The following TP53BP1 variants were observed in gnomAD, a reference collection of about 807,000 sequenced individuals.
TP53BP1 encodes the protein TP53-binding protein 1.
A neutral mutation model predicts 200.8 loss-of-function variants in TP53BP1; 61 were observed. That is an observed-to-expected ratio of 0.30 (90% CI 0.25 to 0.38). The LOEUF (loss-of-function observed/expected upper bound fraction) is 0.38. Among genes scored for constraint, TP53BP1 ranks in the 10% least tolerant of loss-of-function variants. TP53BP1 has a pLI of 1.00. For missense variants in TP53BP1, 2,144 were observed against 2,371.9 expected (o/e 0.90, Z 2.00); for synonymous variants, 822 against 844.3 (o/e 0.97, Z 0.46).
At chr15:43,443,678 G>A (rs900972888) in intron 14 of TP53BP1, among the ~76,000 whole-genome samples, 2 of 152,124 alleles carry the variant, frequency 1.3e-5, no homozygotes, top group African/African-American at 2.4e-5. Context: ...CTGGGTGACA[G>A]GGAGAAGCCC....
chr15:43,479,303 T>G (rs961925782), intron 7 of TP53BP1, 94 bp downstream of exon 7: 2 of 1,332,372 alleles, frequency 1.5e-6, no homozygotes, highest in African/African-American at 3.0e-5. Flanking sequence ...AATTTAAAAA[T>G]CAACAATTTC....
At chr15:43,412,205 G>A (rs910801188) in intron 24 of TP53BP1, among the ~76,000 whole-genome samples, 1 of 152,192 alleles carries the variant, frequency 6.6e-6, no homozygotes, top group African/African-American at 2.4e-5. Context: ...CATGGCTGCA[G>A]TCGGTGAGAT....
chr15:43,428,752 C>T (rs2045607010), intron 17 of TP53BP1, among the ~76,000 whole-genome samples: 1 of 152,034 alleles, frequency 6.6e-6, no homozygotes, highest in Non-Finnish European at 1.5e-5. Flanking sequence ...AAGAGTTGAG[C>T]TAGTGTCCAG....
At chr15:43,459,790 C>A (rs2046387484) in intron 11 of TP53BP1, among the ~76,000 whole-genome samples, 1 of 151,982 alleles carries the variant, frequency 6.6e-6, no homozygotes, top group African/African-American at 2.4e-5. Context: ...CTCAGCCTCC[C>A]AAGTAGCTGG....
At chr15:43,494,509 G>T (rs149479003), upstream of TP53BP1, among the ~76,000 whole-genome samples, 2 of 152,126 alleles carry the variant, frequency 1.3e-5, no homozygotes, top group Non-Finnish European at 2.9e-5. Context: ...AATTATGGTC[G>T]CCAGTATGTT....
chr15:43,465,002 AAG>A (rs2046535940), intron 11 of TP53BP1, among the ~76,000 whole-genome samples: 1 of 152,130 alleles, frequency 6.6e-6, no homozygotes, highest in African/African-American at 2.4e-5. Context: ...AATACAAAAA[AAG>A]GAATGAAAAT....
chr15:43,408,513 C>T, intron 26 of TP53BP1: 1 of 268,424 alleles, frequency 3.7e-6, no homozygotes, highest in Non-Finnish European at 7.2e-6. Flanking sequence ...GGTCCCCCTT[C>T]TCTTCCTTCT....
intron 11 of TP53BP1, among the ~76,000 whole-genome samples, chr15:43,459,257 A>C (rs1250351305): frequency 1.3e-5 from 2 of 152,118 alleles, no homozygotes; most frequent in African/African-American, 4.8e-5. Context: ...GAATTGCTTG[A>C]ACCCAGGAGG....
Position 43,407,303 on chromosome 15 carries a change from AC to A in TP53BP1, c.*79del. 2.4e-6 allele frequency: 3 copies of A among 1,229,552 alleles called. No homozygotes were observed. The highest frequency in any genetic ancestry group is 3.5e-6 in the Non-Finnish European group (3 of 854,654). The allele number at this position is 1,229,552 out of a possible 1,614,324, so 76.2% of individuals were successfully genotyped here. ...CAAGATCCATGCAAGGAATCCAGTTACACACAAGACACATTTAAAACCTGGT... is the reference window on the plus strand; with the variant it reads ...CAAGATCCATGCAAGGAATCCAGTTAACACAAGACACATTTAAAACCTGGT... On this transcript the variant is annotated 3_prime_UTR_variant, in exon 28 of 28. Transcript: ENST00000382044.
chr15:43,422,533 C>T (rs1328106544), intron 18 of TP53BP1, among the ~76,000 whole-genome samples: 1 of 152,174 alleles, frequency 6.6e-6, no homozygotes, highest in Non-Finnish European at 1.5e-5. Flanking sequence ...AAATTCTTAT[C>T]TGAGAGAAGA....
At chr15:43,459,679 T>G (rs2046384613) in intron 11 of TP53BP1, among the ~76,000 whole-genome samples, 1 of 152,022 alleles carries the variant, frequency 6.6e-6, no homozygotes, top group Non-Finnish European at 1.5e-5. Flanking sequence ...CTTTTTTTTT[T>G]TTAAAGACAA....
At chr15:43,486,498 TAGAGGTAGGAAGATAACCTCCCAA>T (rs1229960215) in intron 4 of TP53BP1, among the ~76,000 whole-genome samples, 5 of 152,218 alleles carry the variant, frequency 3.3e-5, no homozygotes, top group African/African-American at 1.2e-4. Flanking sequence ...ACAATAGTAT[TAGAGGTAGGAAGATAACCTCCCAA>T]AGAAGTAAAA....
At chr15:43,485,310 G>A (rs562717043) in intron 4 of TP53BP1, among the ~76,000 whole-genome samples, 1 of 152,246 alleles carries the variant, frequency 6.6e-6, no homozygotes, top group East Asian at 1.9e-4. Context: ...GGGCACGGTG[G>A]CGCATGCCTG....
chr15:43,427,901 G>GA, intron 18 of TP53BP1, 115 bp downstream of exon 18: 1 of 742,968 alleles, frequency 1.3e-6, no homozygotes, highest in Non-Finnish European at 2.1e-6. Flanking sequence ...AGGCTGCAGT[G>GA]AAACAAAATC....
chr15:43,477,241 A>G (rs2078897106), intron 8 of TP53BP1, among the ~76,000 whole-genome samples: 1 of 151,142 alleles, frequency 6.6e-6, no homozygotes, highest in Non-Finnish European at 1.5e-5. Flanking sequence ...CGGAGCTTGC[A>G]GTGAGCCGAG....
intron 14 of TP53BP1, among the ~76,000 whole-genome samples, chr15:43,444,723 G>T (rs572348845): frequency 6.6e-6 from 1 of 152,262 alleles, no homozygotes; most frequent in South Asian, 2.1e-4. Context: ...AGCTAAAAAT[G>T]TATTAGCTAA....
intron 7 of TP53BP1, among the ~76,000 whole-genome samples, chr15:43,478,191 T>C (rs533764675): frequency 6.6e-6 from 1 of 152,310 alleles, no homozygotes; most frequent in South Asian, 2.1e-4. Context: ...GCCACACACA[T>C]CTTCTGCTGA....
chr15:43,451,492 T>C (rs555057118), intron 12 of TP53BP1, among the ~76,000 whole-genome samples: 66 of 152,316 alleles, frequency 4.3e-4, no homozygotes, highest in Admixed American at 3.9e-3. Flanking sequence ...ATTTCATCCA[T>C]GTCCCTACAA....
chr15:43,468,464 T>C (rs922053670), intron 11 of TP53BP1, among the ~76,000 whole-genome samples: 1 of 151,434 alleles, frequency 6.6e-6, no homozygotes, highest in Non-Finnish European at 1.5e-5. Context: ...GGAGGATCAC[T>C]TGAGACTGGG....
Sources: gnomAD v4.1 joint callset for allele counts (sites outside exome capture counted in the v4.1 genomes callset) on GRCh38, gnomAD v4.1.1 for gene constraint, MANE v1.5 for transcripts, NCBI Gene and HGNC (gene_info 2026-07-23, HGNC 2026-07-21) for gene names.